PDS5B: variants seen among roughly 807,000 people sequenced by gnomAD.
PDS5B encodes sister chromatid cohesion protein PDS5 homolog B.
A neutral mutation model predicts 184.1 loss-of-function variants in PDS5B; 51 were observed. The observed-to-expected ratio is 0.28, with a 90% CI of 0.22 to 0.35. The LOEUF (loss-of-function observed/expected upper bound fraction) is 0.35. Among genes scored for constraint, PDS5B ranks in the 10% least tolerant of loss-of-function variants. The pLI is 1.00. For synonymous variants in PDS5B, 566 were observed against 569.2 expected, an observed-to-expected ratio of 0.99 and a Z score of 0.08; for missense variants, 1,180 against 1,723.3, an observed-to-expected ratio of 0.68 and a Z score of 5.58.
Position 32,692,451 on chromosome 13 carries a change from G to A in PDS5B, c.1470-1772G>A, listed in dbSNP as rs966486919. 1.4e-4 allele frequency among the ~76,000 whole-genome samples: 11 copies of A among 78,606 alleles called. No individual in the cohort carries two copies. In the East Asian group the frequency reaches 3.8e-3, roughly 27 times the overall value. The allele number at this position is 78,606 out of a possible 152,430, so 51.6% of individuals were successfully genotyped here. ...TTTTTTTTTTTTTTTTTGAGATAGA[G>A]TCCGATGGGTGACTTGTCAGTTGGG... On this transcript the variant is annotated intron_variant, in intron 13 of 34. Transcript: ENST00000315596.
chr13:32,632,266 C>T (rs1170105432), intron 1 of PDS5B, among the ~76,000 whole-genome samples: 4 of 152,044 alleles, frequency 2.6e-5, no homozygotes, highest in Non-Finnish European at 4.4e-5. Flanking sequence ...ATTTGCAAGT[C>T]ATATCTTTAA....
intron 1 of PDS5B, among the ~76,000 whole-genome samples, chr13:32,613,936 C>T (rs1186534782): frequency 6.6e-6 from 1 of 152,168 alleles, no homozygotes; most frequent in Non-Finnish European, 1.5e-5. Context: ...TAGGCATGCA[C>T]ATTCATTCTT....
chr13:32,702,187 T>C (rs1364951686), intron 17 of PDS5B, among the ~76,000 whole-genome samples: 4 of 152,166 alleles, frequency 2.6e-5, no homozygotes, highest in Non-Finnish European at 5.9e-5. Flanking sequence ...GCTCAAACCC[T>C]GTTGGAGATG....
chr13:32,702,503 A>T (rs1194445566), intron 17 of PDS5B, among the ~76,000 whole-genome samples: 1 of 152,188 alleles, frequency 6.6e-6, no homozygotes, highest in Non-Finnish European at 1.5e-5. Context: ...TGGAATAAAG[A>T]TTTCAAATCA....
At chr13:32,756,590 C>G (rs185670036) in intron 26 of PDS5B, among the ~76,000 whole-genome samples, 2 of 152,010 alleles carry the variant, frequency 1.3e-5, no homozygotes, top group African/African-American at 4.8e-5. Flanking sequence ...AGCTCGAGAC[C>G]CTGGTCCTTG....
intron 9 of PDS5B, among the ~76,000 whole-genome samples, chr13:32,676,199 C>T (rs1951058882): frequency 6.6e-6 from 1 of 151,916 alleles, no homozygotes; most frequent in African/African-American, 2.4e-5. Context: ...GGTATTATGA[C>T]CATGAAGTTA....
chr13:32,693,825 A>G (rs1468834692), intron 13 of PDS5B, among the ~76,000 whole-genome samples: 2 of 151,670 alleles, frequency 1.3e-5, no homozygotes, highest in East Asian at 3.8e-4. Context: ...ATTCACTTAT[A>G]AATAATTCCA....
rs3837581 is a variant in PDS5B at position 32,629,099 on chromosome 13, CAA to C, written c.-19-19654_-19-19653del. ...AATTTTTCTCTGTGAACTTTCTTGA[CAA>C]GAGAAGTTGGGGGTATTGGAATACC... On this transcript the variant is annotated intron_variant, in intron 1 of 34. Transcript: ENST00000315596. 5.4e-3 allele frequency among the ~76,000 whole-genome samples: 815 copies of C among 152,260 alleles called. 3 individuals are homozygous for C. The highest frequency in any genetic ancestry group is 0.017 in the South Asian group (83 of 4,818).
chr13:32,661,402 A>C (rs1290649381), intron 6 of PDS5B, among the ~76,000 whole-genome samples: 27 of 149,666 alleles, frequency 1.8e-4, no homozygotes, highest in African/African-American at 6.4e-4. Flanking sequence ...AAAAAAAAAA[A>C]AAAAAAAACA....
rs200358906 is a variant in PDS5B, at chr13:32,696,838, T to C, written c.1552-16T>C. Reference sequence around the variant, plus strand: ...TTAGGGAATTTTAATTTTGCATTTTTTTGTGTGATTTACAGACAGATGCCA... The same window carrying C: ...TTAGGGAATTTTAATTTTGCATTTTCTTGTGTGATTTACAGACAGATGCCA... On this transcript the variant is annotated splice_polypyrimidine_tract_variant and intron_variant, in intron 14 of 34. Coordinates refer to ENST00000315596, the MANE Select transcript of PDS5B (RefSeq NM_015032.4). 874 of 1,586,416 alleles carry C rather than the reference T, an allele frequency of 5.5e-4. 9 individuals are homozygous for C. In the South Asian group the frequency reaches 9.4e-3, roughly 17 times the overall value.
intron 1 of PDS5B, among the ~76,000 whole-genome samples, chr13:32,626,064 T>A (rs1411800887): frequency 6.6e-6 from 1 of 152,186 alleles, no homozygotes; most frequent in Non-Finnish European, 1.5e-5. Context: ...GGTCTTGAAC[T>A]CCTGACCCCG....
intron 30 of PDS5B, among the ~76,000 whole-genome samples, chr13:32,761,994 C>A (rs1954420369): frequency 6.6e-6 from 1 of 152,078 alleles, no homozygotes; most frequent in Non-Finnish European, 1.5e-5. Context: ...TTAGTAATAG[C>A]CATTCTGACT....
rs117161462 is a variant in PDS5B, at chr13:32,600,303, C to T, written c.-20+13710C>T. On this transcript the variant is annotated intron_variant, in intron 1 of 34. Transcript: ENST00000315596. ...ATTTTCCTGCTTCATTTCATAAATA[C>T]AAAATTTTTGTTGTAGAGTGGATAT... Among the ~76,000 whole-genome samples the T allele has an allele frequency of 7.2e-4, 110 of 152,242 alleles. 1 individual carries two copies. Among genetic ancestry groups the T allele is most frequent in the Non-Finnish European group, 1.3e-3 (87 of 68,012 alleles).
intron 6 of PDS5B, among the ~76,000 whole-genome samples, chr13:32,667,045 C>T (rs1040414703): frequency 3.3e-5 from 5 of 151,898 alleles, no homozygotes; most frequent in African/African-American, 1.2e-4. Flanking sequence ...AAAATACAAG[C>T]ATTAAGGCAG....
intron 1 of PDS5B, among the ~76,000 whole-genome samples, chr13:32,629,387 A>G (rs1190260781): frequency 6.6e-6 from 1 of 151,862 alleles, no homozygotes; most frequent in Non-Finnish European, 1.5e-5. Flanking sequence ...TACATTGGAT[A>G]CCTTGTGTTG....
At chr13:32,655,374 A>ATATATATATTTTTTTTT in intron 3 of PDS5B, among the ~76,000 whole-genome samples, 2 of 72,484 alleles carry the variant, frequency 2.8e-5, no homozygotes, top group African/African-American at 1.7e-4. Context: ...ATATATATAT[A>ATATATATATTTTTTTTT]TTTTTTTTTT....
Position 32,736,225 on chromosome 13 carries a change from T to C in PDS5B, c.2406+895T>C, listed in dbSNP as rs961467171. ...TGTTTATTTAGATTTGCCAACATAT[T>C]TTCTCCTTTTGTTTTTCATTCCTTT... On this transcript the variant is annotated intron_variant, in intron 21 of 34. Transcript: ENST00000315596. Among the ~76,000 whole-genome samples the C allele has an allele frequency of 4.6e-5, 7 of 152,100 alleles. No individual in the cohort carries two copies. In the South Asian group the frequency reaches 6.2e-4, roughly 13 times the overall value.
At chr13:32,762,487 C>A (rs186429037) in intron 30 of PDS5B, among the ~76,000 whole-genome samples, 1 of 152,082 alleles carries the variant, frequency 6.6e-6, no homozygotes, top group African/African-American at 2.4e-5. Flanking sequence ...GTGGCTAATA[C>A]CAAAGTGACC....
chr13:32,775,437 A>T lies in PDS5B; in HGVS notation c.*385A>T, dbSNP rs924736334. The stretch of plus-strand genomic sequence containing the variant: ...ATTTGAAAAGAATTTGTTAGGATAG[A>T]TCTTAAGCAGTAATCTGTCAGTGTT... On this transcript the variant is annotated 3_prime_UTR_variant, in exon 35 of 35. Coordinates refer to ENST00000315596, the MANE Select transcript of PDS5B (RefSeq NM_015032.4). 2.1e-5 allele frequency: 7 copies of T among 330,388 alleles called. No individual in the cohort carries two copies. The highest frequency in any genetic ancestry group is 4.1e-5 in the Non-Finnish European group (7 of 170,564). The allele number at this position is 330,388 out of a possible 1,614,324, so 20.5% of individuals were successfully genotyped here. A position where few individuals can be genotyped will look rare whatever the true frequency, so the allele number is the denominator to read the frequency against.
Sources: gnomAD v4.1 joint callset for allele counts (sites outside exome capture counted in the v4.1 genomes callset) on GRCh38, gnomAD v4.1.1 for gene constraint, MANE v1.5 for transcripts, NCBI Gene and HGNC (gene_info 2026-07-23, HGNC 2026-07-21) for gene names.